CLIC2: variants seen among roughly 807,000 people sequenced by gnomAD.
The protein encoded by CLIC2 is CLIC family member 2, also known as chloride intracellular channel protein 2.
CLIC2 carries 9 observed loss-of-function variants against 14.8 expected under a neutral mutation model. That is an observed-to-expected ratio of 0.61 (90% confidence interval 0.37 to 1.06). The LOEUF (loss-of-function observed/expected upper bound fraction) is 1.06. CLIC2 is among the 50% of genes least tolerant of loss of function. CLIC2 has a pLI of 0.01. For missense variants in CLIC2, 148 were observed against 181.4 expected, an observed-to-expected ratio of 0.82 and a Z score of 1.06; for synonymous variants, 61 against 66.3, an observed-to-expected ratio of 0.92 and a Z score of 0.39.
At chrX:155,289,388 T>A (rs1213281744) in intron 3 of CLIC2, among the ~76,000 whole-genome samples, 1 of 111,477 alleles carries the variant, frequency 9.0e-6, no homozygotes, top group Non-Finnish European at 1.9e-5. Flanking sequence ...TAACTGAAAA[T>A]GCAAAGCATT....
chrX:155,330,326 T>C (rs1296031429), intron 1 of CLIC2, among the ~76,000 whole-genome samples: 1 of 111,276 alleles, frequency 9.0e-6, no homozygotes, highest in Non-Finnish European at 1.9e-5. Context: ...ACCTACTATG[T>C]ACTCACAAAA....
At chrX:155,292,809 G>T in intron 3 of CLIC2, 3 of 492,702 alleles carry the variant, frequency 6.1e-6, no homozygotes, top group Non-Finnish European at 9.8e-6. Flanking sequence ...AAATAAAAAA[G>T]CTGCCAAAAA....
chrX:155,324,740 C>T (rs965241788), intron 1 of CLIC2, among the ~76,000 whole-genome samples: 1 of 111,630 alleles, frequency 9.0e-6, no homozygotes, highest in Non-Finnish European at 1.9e-5. Context: ...AAAGCAATGG[C>T]AACAAAAGCC....
chrX:155,300,406 C>G (rs1158849061), intron 1 of CLIC2, among the ~76,000 whole-genome samples: 1 of 110,925 alleles, frequency 9.0e-6, no homozygotes, highest in East Asian at 2.8e-4. Flanking sequence ...TGTCCTTTGC[C>G]CACTTTTTGA....
At chrX:155,278,119 T>C in intron 5 of CLIC2, 55 bp from the exon 6 acceptor site, 1 of 1,018,710 alleles carries the variant, frequency 9.8e-7, no homozygotes, top group Non-Finnish European at 1.4e-6. Context: ...ATGCCTACTA[T>C]GTAGAAATGT....
At position 155,299,157 on chromosome X, in the gene CLIC2, A is replaced by C; in HGVS notation, c.58-12T>G. 1 of 1,136,879 alleles carries C rather than the reference A, an allele frequency of 8.8e-7. No homozygotes were observed. 93.7% of individuals were successfully genotyped at this position (1,136,879 alleles called of 1,213,427 possible). A position where few individuals can be genotyped will look rare whatever the true frequency, so the allele number is the denominator to read the frequency against. On this transcript the variant is annotated splice_polypyrimidine_tract_variant and intron_variant, in intron 1 of 5. Transcript: ENST00000369449. ...CCATCACTTCCAGCCTATTAAGATA[A>C]AGAGAGACCTCAGTTCATTTGTTTG...
intron 1 of CLIC2, among the ~76,000 whole-genome samples, chrX:155,305,933 T>C (rs1226013350): frequency 8.9e-6 from 1 of 112,348 alleles, no homozygotes; most frequent in African/African-American, 3.2e-5. Context: ...TGATTTACCA[T>C]AAGGATTTTC....
chrX:155,324,221 T>A (rs782247179), intron 1 of CLIC2, among the ~76,000 whole-genome samples: 1 of 112,097 alleles, frequency 8.9e-6, no homozygotes, highest in Non-Finnish European at 1.9e-5. Context: ...AGTATAATAA[T>A]AATTTTTAAA....
At chrX:155,311,804 C>T (rs1192625797) in intron 1 of CLIC2, among the ~76,000 whole-genome samples, 1 of 111,658 alleles carries the variant, frequency 9.0e-6, no homozygotes, top group African/African-American at 3.3e-5. Context: ...GTGAAAGGCA[C>T]ATCTCACATG....
chrX:155,301,420 A>G (rs1437757032), intron 1 of CLIC2, among the ~76,000 whole-genome samples: 1 of 111,098 alleles, frequency 9.0e-6, no homozygotes, highest in African/African-American at 3.3e-5. Flanking sequence ...ATTTTTGCAC[A>G]TTGATTTTGT....
chrX:155,297,897 C>CATCAGAGA (rs782226859), intron 3 of CLIC2, among the ~76,000 whole-genome samples: 1 of 60,890 alleles, frequency 1.6e-5, no homozygotes, highest in Non-Finnish European at 3.8e-5. Flanking sequence ...GAAGGTGAAC[C>CATCAGAGA]ATCAGAGAGA....
intron 3 of CLIC2, among the ~76,000 whole-genome samples, chrX:155,284,254 A>ATTTTT (rs781838836): frequency 1.1e-5 from 1 of 92,665 alleles, no homozygotes. Flanking sequence ...TCTCCCTGGG[A>ATTTTT]TTTTTTTTTT....
In CLIC2 at chrX:155,279,204, C is replaced by T; in HGVS notation, c.527G>A (p.Gly176Glu). The T allele has an allele frequency of 8.3e-7, 1 of 1,210,493 alleles. No individual in the cohort carries two copies. The highest frequency in any genetic ancestry group is 1.1e-6 in the Non-Finnish European group (1 of 894,575). The change falls in exon 5 of 6, where the codon GGG (glycine) becomes GAG (glutamate). Residue 176 changes from glycine to glutamate, a missense_variant. Physicochemically the swap from Gly to Glu is moderately conservative, Grantham distance 98 (BLOSUM62 -2). Transcript: ENST00000369449. Reference protein sequence around the residue: ...PPVSRRLFLDGDQLTLADCSL... With the variant: ...PPVSRRLFLDEDQLTLADCSL... ...ACAATCAGCCAGTGTTAGCTGGTCC[C>T]CATCCAAGAATAGTCTTCTGGAAAC...
Position 155,291,057 on chromosome X carries a change from G to A in CLIC2, c.293+7728C>T, listed in dbSNP as rs1186582379. On this transcript the variant is annotated intron_variant, in intron 3 of 5. Coordinates refer to ENST00000369449, the MANE Select transcript of CLIC2 (RefSeq NM_001289.6). ...GCCACCTCCAGATTCCTTTTCCAGA[G>A]TTGCTCTTGTTGCTGCATATAACCT... 3 of 773,986 alleles carry A rather than the reference G, an allele frequency of 3.9e-6. No individual in the cohort carries two copies. The African/African-American group carries it at 6.2e-5, about 16-fold the overall frequency. The allele number at this position is 773,986 out of a possible 1,213,427, so 63.8% of individuals were successfully genotyped here. A position where few individuals can be genotyped will look rare whatever the true frequency, so the allele number is the denominator to read the frequency against.
chrX:155,307,142 A>G (rs1218010269), intron 1 of CLIC2, among the ~76,000 whole-genome samples: 1 of 111,396 alleles, frequency 9.0e-6, no homozygotes, highest in Non-Finnish European at 1.9e-5. Context: ...TATTCCCCCA[A>G]ATTAACTCTC....
intron 1 of CLIC2, among the ~76,000 whole-genome samples, chrX:155,307,559 ACAACT>A (rs1294022773): frequency 1.8e-5 from 2 of 112,230 alleles, no homozygotes; most frequent in Non-Finnish European, 3.8e-5. Context: ...AATAAAGAAC[ACAACT>A]CAACAACTAA....
chrX:155,292,944 T>C, intron 3 of CLIC2: 2 of 1,072,024 alleles, frequency 1.9e-6, no homozygotes, highest in South Asian at 3.7e-5. Context: ...AGGTCAGTTC[T>C]TACCCAGTGG....
intron 3 of CLIC2, chrX:155,293,208 C>G: frequency 1.2e-6 from 1 of 821,324 alleles, no homozygotes; most frequent in Non-Finnish European, 1.9e-6. Context: ...AGGACTCTTT[C>G]CAGGGAAGAC....
At position 155,279,148 on chromosome X, in the gene CLIC2, C is replaced by T; in HGVS notation, c.582+1G>A. On this transcript the variant is annotated splice_donor_variant, in intron 5 of 5. Coordinates refer to ENST00000369449, the MANE Select transcript of CLIC2 (RefSeq NM_001289.6). LOFTEE classifies it high-confidence loss of function. ...ATTCAGCCTGCCTTATAAAGACTTA[C>T]TTTAATAATGTTCAGCTTGGGTAAC... 8.3e-7 allele frequency: 1 copy of T among 1,209,335 alleles called. No individual in the cohort carries two copies. Among genetic ancestry groups the T allele is most frequent in the Non-Finnish European group, 1.1e-6 (1 of 893,664 alleles).
Sources: gnomAD v4.1 joint callset for allele counts (sites outside exome capture counted in the v4.1 genomes callset) on GRCh38, gnomAD v4.1.1 for gene constraint, MANE v1.5 for transcripts, NCBI Gene and HGNC (gene_info 2026-07-23, HGNC 2026-07-21) for gene names.